The following TBC1D22A variants were observed in gnomAD, a reference collection of about 807,000 sequenced individuals.
TBC1D22A encodes putative GTPase activator.
A neutral mutation model predicts 60.2 loss-of-function variants in TBC1D22A; 38 were observed. That is an observed-to-expected ratio of 0.63 (90% CI 0.49 to 0.83). TBC1D22A has a LOEUF of 0.83. Among genes scored for constraint, TBC1D22A ranks in the 40% least tolerant of loss-of-function variants. The pLI is 0.00. For synonymous variants in TBC1D22A, 302 were observed against 281.7 expected, an observed-to-expected ratio of 1.07 and a Z score of -0.72; for missense variants, 628 against 701.0, an observed-to-expected ratio of 0.90 and a Z score of 1.18.
chr22:47,012,703 TTTTGG>T (rs2061788774), intron 10 of TBC1D22A, among the ~76,000 whole-genome samples: 1 of 152,216 alleles, frequency 6.6e-6, no homozygotes, highest in Non-Finnish European at 1.5e-5. Flanking sequence ...TTCATCCCAC[TTTTGG>T]ACTGTGGCCT....
chr22:46,987,606 A>C lies in TBC1D22A; in HGVS notation c.1126-10028A>C, dbSNP rs575555885. Among the ~76,000 whole-genome samples the C allele has an allele frequency of 3.9e-5, 6 of 152,360 alleles. No individual in the cohort carries two copies. The South Asian group carries it at 1.2e-3, about 32-fold the overall frequency. ...ATACTTTAATTTATTAACATACAAT[A>C]GCATTGTATCTAAAAAGTGTACATA... On this transcript the variant is annotated intron_variant, in intron 9 of 12. Transcript: ENST00000337137.
chr22:46,973,420 C>G (rs142433436), intron 8 of TBC1D22A, among the ~76,000 whole-genome samples: 1 of 152,336 alleles, frequency 6.6e-6, no homozygotes, highest in African/African-American at 2.4e-5. Flanking sequence ...TCAGCAGACC[C>G]CGGTCAACAC....
intron 4 of TBC1D22A, among the ~76,000 whole-genome samples, chr22:46,829,748 T>A (rs1303000897): frequency 6.6e-6 from 1 of 152,224 alleles, no homozygotes; most frequent in Non-Finnish European, 1.5e-5. Context: ...GGCTCTTAGT[T>A]GCCTCCATGG....
At chr22:46,967,117 C>T (rs1251855103) in intron 8 of TBC1D22A, among the ~76,000 whole-genome samples, 2 of 152,230 alleles carry the variant, frequency 1.3e-5, no homozygotes, top group African/African-American at 2.4e-5. Context: ...AGCCGTGGAG[C>T]AGAGTCGGGA....
At chr22:46,881,353 G>C (rs555008175) in intron 5 of TBC1D22A, among the ~76,000 whole-genome samples, 1 of 152,166 alleles carries the variant, frequency 6.6e-6, no homozygotes, top group Non-Finnish European at 1.5e-5. Context: ...TCGTCCCCCT[G>C]GGGCCTGCAG....
intron 12 of TBC1D22A, among the ~76,000 whole-genome samples, chr22:47,166,168 C>T (rs571481741): frequency 1.3e-5 from 2 of 152,282 alleles, no homozygotes; most frequent in East Asian, 3.9e-4. Context: ...GCCCTTCCTG[C>T]TGCCTGGGGG....
chr22:46,977,430 GAAGCTCAGAGCC>G (rs1602762838), intron 9 of TBC1D22A, among the ~76,000 whole-genome samples: 2 of 152,284 alleles, frequency 1.3e-5, no homozygotes, highest in East Asian at 3.9e-4. Flanking sequence ...CTGTCCCCAA[GAAGCTCAGAGCC>G]TGGTGGGATG....
intron 4 of TBC1D22A, among the ~76,000 whole-genome samples, chr22:46,874,797 T>C (rs771668346): frequency 2.6e-5 from 4 of 151,908 alleles, no homozygotes; most frequent in South Asian, 2.1e-4. Context: ...TGGTCTCGAA[T>C]TCCTCACCTC....
chr22:47,043,859 C>A (rs1223710755), intron 11 of TBC1D22A, among the ~76,000 whole-genome samples: 1 of 111,750 alleles, frequency 8.9e-6, no homozygotes, highest in East Asian at 2.8e-4. Flanking sequence ...GATGCCAGGG[C>A]AGGTCCGAGG....
At chr22:47,167,240 A>G (rs544409033) in intron 12 of TBC1D22A, among the ~76,000 whole-genome samples, 3 of 152,384 alleles carry the variant, frequency 2.0e-5, no homozygotes, top group South Asian at 2.1e-4. Context: ...AGGCAGGTGC[A>G]CAGCGGGGAA....
intron 4 of TBC1D22A, among the ~76,000 whole-genome samples, chr22:46,824,394 G>T (rs2085959637): frequency 1.3e-5 from 2 of 152,206 alleles, no homozygotes; most frequent in South Asian, 4.1e-4. Context: ...AAGGAGGGGT[G>T]TGTGGGGATG....
At chr22:47,099,507 G>A (rs148279142) in intron 11 of TBC1D22A, among the ~76,000 whole-genome samples, 6 of 151,000 alleles carry the variant, frequency 4.0e-5, no homozygotes, top group East Asian at 2.0e-4. Flanking sequence ...GTGCAATGGC[G>A]CGATCTCAGC....
chr22:46,779,130 C>G (rs545706673), intron 1 of TBC1D22A, among the ~76,000 whole-genome samples: 3 of 152,300 alleles, frequency 2.0e-5, no homozygotes, highest in African/African-American at 7.2e-5. Flanking sequence ...TCAAGTATTA[C>G]GTACAGTACA....
In TBC1D22A at chr22:47,100,796, C is replaced by T. The variant is rs115303119; in HGVS notation, c.1330-10712C>T. 9.3e-3 allele frequency among the ~76,000 whole-genome samples: 1,420 copies of T among 152,212 alleles called. 19 individuals are homozygous for T. Among genetic ancestry groups the T allele is most frequent in the African/African-American group, 0.033 (1,361 of 41,512 alleles). On this transcript the variant is annotated intron_variant, in intron 11 of 12. Coordinates refer to ENST00000337137, the MANE Select transcript of TBC1D22A (RefSeq NM_014346.5). Reference sequence around the variant, plus strand: ...TATGTCTTTATCAGCCACGTGAAAACGGACTCATACAAGGGGTGAGGTGGG... The same window carrying T: ...TATGTCTTTATCAGCCACGTGAAAATGGACTCATACAAGGGGTGAGGTGGG...
intron 11 of TBC1D22A, among the ~76,000 whole-genome samples, chr22:47,073,804 G>A (rs1458037572): frequency 2.0e-5 from 3 of 152,172 alleles, no homozygotes; most frequent in Non-Finnish European, 4.4e-5. Flanking sequence ...ACCACCCCAT[G>A]GGAGCTTTCT....
At chr22:47,043,857 G>T (rs2062930481) in intron 11 of TBC1D22A, among the ~76,000 whole-genome samples, 1 of 116,406 alleles carries the variant, frequency 8.6e-6, no homozygotes, top group African/African-American at 3.4e-5. Flanking sequence ...TGGATGCCAG[G>T]GCAGGTCCGA....
chr22:46,922,581 A>G (rs540615403), intron 8 of TBC1D22A, among the ~76,000 whole-genome samples: 3 of 152,278 alleles, frequency 2.0e-5, no homozygotes, highest in East Asian at 3.9e-4. Context: ...ATGGTTTTCC[A>G]TTTGTATATT....
At chr22:46,966,470 C>T (rs2073810710) in intron 8 of TBC1D22A, among the ~76,000 whole-genome samples, 1 of 152,212 alleles carries the variant, frequency 6.6e-6, no homozygotes, top group Non-Finnish European at 1.5e-5. Flanking sequence ...CAGTTTCTCA[C>T]ACATAGAAGT....
At position 46,793,904 on chromosome 22, in the gene TBC1D22A, C is replaced by T. The variant is rs180693525; in HGVS notation, c.460+63C>T. 8.2e-4 allele frequency: 1,153 copies of T among 1,414,720 alleles called. 19 individuals are homozygous for T. The Admixed American group carries it at 0.021, about 26-fold the overall frequency. The allele number at this position is 1,414,720 out of a possible 1,614,324, so 87.6% of individuals were successfully genotyped here. On this transcript the variant is annotated intron_variant, in intron 3 of 12. Coordinates refer to ENST00000337137, the MANE Select transcript of TBC1D22A (RefSeq NM_014346.5). ...GGCCAAGCTAAGAAAGTGGCCAGAA[C>T]ACACTCACTGTGGGAGAATCAGTGG...
Sources: gnomAD v4.1 joint callset for allele counts (sites outside exome capture counted in the v4.1 genomes callset) on GRCh38, gnomAD v4.1.1 for gene constraint, MANE v1.5 for transcripts, NCBI Gene and HGNC (gene_info 2026-07-23, HGNC 2026-07-21) for gene names.